Variants in HCFC2 observed in about 807,000 individuals in gnomAD.
HCFC2 encodes the protein host cell factor 2.
HCFC2 carries 18 observed loss-of-function variants against 89.2 expected under a neutral mutation model. That is an observed-to-expected ratio of 0.20 (90% confidence interval 0.14 to 0.30). The LOEUF is 0.30. Ranked by LOEUF, HCFC2 falls within the 10% of genes least tolerant of loss-of-function variation. The pLI is 1.00. For synonymous variants in HCFC2, 308 were observed against 335.7 expected (o/e 0.92, Z 0.90); for missense variants, 578 against 956.1 (o/e 0.60, Z 5.21).
At chr12:104,081,363 T>C (rs1883678062) in intron 5 of HCFC2, among the ~76,000 whole-genome samples, 1 of 152,220 alleles carries the variant, frequency 6.6e-6, no homozygotes, top group African/African-American at 2.4e-5. Flanking sequence ...TTGACAAGGC[T>C]GTAATGAAGA....
In HCFC2 at chr12:104,104,255, T is replaced by C. The variant is rs1229825650; in HGVS notation, c.*982T>C. 6.6e-6 allele frequency: 1 copy of C among 152,060 alleles called. No individual in the cohort carries two copies. The highest frequency in any genetic ancestry group is 2.4e-5 in the African/African-American group (1 of 41,442). 9.4% of individuals were successfully genotyped at this position (152,060 alleles called of 1,614,324 possible). A position where few individuals can be genotyped will look rare whatever the true frequency, so the allele number is the denominator to read the frequency against. The stretch of plus-strand genomic sequence containing the variant: ...ACATTTGTAAGATTTTTGTAAATGC[T>C]CTAAATGTTTTATTTTTGCATTGTT... On this transcript the variant is annotated 3_prime_UTR_variant, in exon 15 of 15. Transcript: ENST00000229330.
In HCFC2 at chr12:104,080,322, G is replaced by A. The variant is rs1174373480; in HGVS notation, c.683-424G>A. On this transcript the variant is annotated intron_variant, in intron 4 of 14. Transcript: ENST00000229330. ...GCTCAAGTCCCTGATATAAAATGGT[G>A]TAGTATTTGCATATTCTCCCATATA... 2 of 162,200 alleles carry A rather than the reference G, an allele frequency of 1.2e-5. 1 individual carries two copies. The highest frequency in any genetic ancestry group is 3.6e-4 in the East Asian group (2 of 5,578). The allele number at this position is 162,200 out of a possible 1,614,324, so 10.0% of individuals were successfully genotyped here.
intron 13 of HCFC2, among the ~76,000 whole-genome samples, chr12:104,098,980 A>G (rs1884256901): frequency 6.6e-6 from 1 of 152,000 alleles, no homozygotes; most frequent in Admixed American, 6.6e-5. Flanking sequence ...AGCCTGGGTG[A>G]CAGTGTAAGA....
At chr12:104,090,365 A>C (rs1053827060) in intron 9 of HCFC2, among the ~76,000 whole-genome samples, 5 of 152,044 alleles carry the variant, frequency 3.3e-5, no homozygotes, top group African/African-American at 1.2e-4. Flanking sequence ...TTTTATCCCC[A>C]GTATGCTGAA....
At chr12:104,089,710 A>G (rs1593606118) in intron 9 of HCFC2, among the ~76,000 whole-genome samples, 1 of 152,142 alleles carries the variant, frequency 6.6e-6, no homozygotes, top group East Asian at 1.9e-4. Context: ...TTATGACTTG[A>G]TGTTTACACT....
chr12:104,093,684 A>G, intron 10 of HCFC2, 121 bp downstream of exon 10: 1 of 760,696 alleles, frequency 1.3e-6, no homozygotes, highest in East Asian at 2.7e-5. Context: ...AAACTGCCAT[A>G]TTCAACCTGG....
At chr12:104,075,130 G>A (rs1346907424) in intron 3 of HCFC2, among the ~76,000 whole-genome samples, 1 of 151,648 alleles carries the variant, frequency 6.6e-6, no homozygotes. Context: ...TGAGGCAGGA[G>A]GATCATCTGA....
Position 104,082,616 on chromosome 12 carries a change from T to G in HCFC2, c.874+10T>G. 6.3e-7 allele frequency: 1 copy of G among 1,594,210 alleles called. No individual in the cohort carries two copies. Among genetic ancestry groups the G allele is most frequent in the South Asian group, 1.1e-5 (1 of 89,642 alleles). ...TCTTACCTAAATCTGGGTGAGTCTT[T>G]TAAGAGTTACTCATTGAATTAATCT... On this transcript the variant is annotated intron_variant, in intron 6 of 14. Coordinates refer to ENST00000229330, the MANE Select transcript of HCFC2 (RefSeq NM_013320.3).
intron 9 of HCFC2, among the ~76,000 whole-genome samples, chr12:104,088,659 T>C (rs1261273681): frequency 1.3e-5 from 2 of 152,202 alleles, no homozygotes; most frequent in African/African-American, 2.4e-5. Flanking sequence ...TATTGGCTCA[T>C]ACGTTCTGAG....
At chr12:104,099,373 A>G (rs1022364777) in intron 13 of HCFC2, among the ~76,000 whole-genome samples, 7 of 152,198 alleles carry the variant, frequency 4.6e-5, no homozygotes, top group Admixed American at 1.3e-4. Flanking sequence ...GATCCAAATC[A>G]TATCACCAAG....
rs1883007276 is a variant in HCFC2, at chr12:104,064,778, G to C, written c.163+55G>C. On this transcript the variant is annotated intron_variant, in intron 1 of 14. Transcript: ENST00000229330. The surrounding 1 kb of genome is among the most constrained non-coding windows in gnomAD (Gnocchi z 7.3). ...CCTGCTGGAGCTGCGGAGGGGGAGG[G>C]GAGGCGAGGCGGCGGCCGCGGCCCT... 6.7e-7 allele frequency: 1 copy of C among 1,492,426 alleles called. No homozygotes were observed. Among genetic ancestry groups the C allele is most frequent in the African/African-American group, 1.5e-5 (1 of 68,014 alleles). The allele number at this position is 1,492,426 out of a possible 1,614,324, so 92.4% of individuals were successfully genotyped here.
chr12:104,067,808 C>T, intron 2 of HCFC2, 139 bp from the exon 3 acceptor site: 1 of 631,464 alleles, frequency 1.6e-6, no homozygotes, highest in Non-Finnish European at 2.5e-6. Flanking sequence ...GGTTATTTGT[C>T]ATTTGTCCCA....
rs1240706507 is a variant in HCFC2 at position 104,066,189 on chromosome 12, A to T, written c.186A>T (p.Pro62=). 3 of 1,613,276 alleles carry T rather than the reference A, an allele frequency of 1.9e-6. No homozygotes were observed. Among genetic ancestry groups the T allele is most frequent in the African/African-American group, 1.3e-5 (1 of 75,006 alleles). Residue 62 remains proline (P), a synonymous_variant, in exon 2 of 15, where the codon CCA becomes CCT. Transcript: ENST00000229330. ...TAGCTACGAATCAGTGGTTTCTGCC[A>T]GCTGTTAGAGGAGATATCCCTCCAG... is the stretch of plus-strand genomic sequence containing the variant. The part of the protein sequence containing the change: ...YNTATNQWFL[P]AVRGDIPPGC...
chr12:104,098,279 A>T, intron 12 of HCFC2, 64 bp from the exon 13 acceptor site: 1 of 1,365,960 alleles, frequency 7.3e-7, no homozygotes, highest in Non-Finnish European at 1.0e-6. Context: ...TGGACTTATT[A>T]AATCTTGAAA....
In HCFC2 at chr12:104,067,811, T is replaced by G. The variant is rs1219907918; in HGVS notation, c.313-136T>G. 18 of 656,164 alleles carry G rather than the reference T, an allele frequency of 2.7e-5. 1 individual carries two copies. The South Asian group carries it at 6.2e-4, about 23-fold the overall frequency. 40.6% of individuals were successfully genotyped at this position (656,164 alleles called of 1,614,324 possible). ...CAGAAGTTAGCTGGTTATTTGTCATTTGTCCCAAAAGTAGTTTTTTAGTGC... is the reference window on the plus strand; with the variant it reads ...CAGAAGTTAGCTGGTTATTTGTCATGTGTCCCAAAAGTAGTTTTTTAGTGC... On this transcript the variant is annotated intron_variant, in intron 2 of 14. Transcript: ENST00000229330.
chr12:104,101,696 G>A (rs2029944136), intron 13 of HCFC2, among the ~76,000 whole-genome samples: 4 of 152,122 alleles, frequency 2.6e-5, no homozygotes. Flanking sequence ...TTGTTCACGT[G>A]CAGAATGCTC....
intron 1 of HCFC2, among the ~76,000 whole-genome samples, chr12:104,065,689 C>T (rs1883087336): frequency 1.3e-5 from 2 of 152,050 alleles, no homozygotes; most frequent in African/African-American, 4.8e-5. Flanking sequence ...GTGTAAAATC[C>T]CTGGCTTTGG....
chr12:104,088,087 T>C, intron 9 of HCFC2, 49 bp downstream of exon 9: 2 of 1,327,484 alleles, frequency 1.5e-6, no homozygotes, highest in Non-Finnish European at 2.1e-6. Flanking sequence ...GGTTATAGTC[T>C]CAATTTTTAT....
rs926575320 is a variant in HCFC2, at chr12:104,104,160, G to A, written c.*887G>A. The A allele has an allele frequency of 1.3e-4, 20 of 151,944 alleles. No homozygotes were observed. Among genetic ancestry groups the A allele is most frequent in the African/African-American group, 4.8e-4 (20 of 41,416 alleles). 9.4% of individuals were successfully genotyped at this position (151,944 alleles called of 1,614,324 possible). On this transcript the variant is annotated 3_prime_UTR_variant, in exon 15 of 15. Transcript: ENST00000229330. ...CTTCATAATTGAATTCAAAATTAAA[G>A]TATATGTCCTCCTATTGGAGAAAAA...
Sources: gnomAD v4.1 joint callset for allele counts (sites outside exome capture counted in the v4.1 genomes callset) on GRCh38, gnomAD v4.1.1 for gene constraint, Gnocchi (gnomAD v3.1) non-coding constraint, MANE v1.5 for transcripts, NCBI Gene and HGNC (gene_info 2026-07-23, HGNC 2026-07-21) for gene names.